CLSTN2: variants seen among roughly 807,000 people sequenced by gnomAD.
The protein encoded by CLSTN2 is calsyntenin 2, also known as calsyntenin-2.
In CLSTN2, 48 loss-of-function variants were observed where a neutral mutation model predicts 101.2. The observed-to-expected ratio is 0.47, with a 90% confidence interval of 0.38 to 0.60. The LOEUF is 0.60. Among genes scored for constraint, CLSTN2 ranks in the 20% least tolerant of loss-of-function variants. The probability of loss-of-function intolerance (pLI) is 0.00; values close to 1 mark genes in which losing one functional copy is unlikely to be tolerated. For synonymous variants in CLSTN2, 481 were observed against 463.6 expected (o/e 1.04, Z -0.48); for missense variants, 1,160 against 1,238.2 (o/e 0.94, Z 0.95).
chr3:140,143,236 T>C (rs998651073), intron 1 of CLSTN2, among the ~76,000 whole-genome samples: 1 of 152,270 alleles, frequency 6.6e-6, no homozygotes, highest in Non-Finnish European at 1.5e-5. Context: ...TTTGTGTGCA[T>C]GTGTGTGTGG....
chr3:140,551,546 A>G (rs1208134441), intron 10 of CLSTN2, among the ~76,000 whole-genome samples: 1 of 152,066 alleles, frequency 6.6e-6, no homozygotes, highest in Non-Finnish European at 1.5e-5. Flanking sequence ...CTTTAGAACT[A>G]GACACTCCTA....
chr3:140,346,369 G>A (rs1428745216), intron 2 of CLSTN2, among the ~76,000 whole-genome samples: 1 of 152,128 alleles, frequency 6.6e-6, no homozygotes, highest in African/African-American at 2.4e-5. Flanking sequence ...TATGGAGTAG[G>A]TACAGCATGT....
At chr3:140,458,862 C>G (rs973815475) in intron 6 of CLSTN2, among the ~76,000 whole-genome samples, 14 of 152,232 alleles carry the variant, frequency 9.2e-5, no homozygotes, top group Admixed American at 3.3e-4. Flanking sequence ...AGTCACAAAG[C>G]TAGCAAATTT....
At chr3:140,368,300 C>G (rs1476162145) in intron 2 of CLSTN2, among the ~76,000 whole-genome samples, 1 of 152,214 alleles carries the variant, frequency 6.6e-6, no homozygotes, top group Non-Finnish European at 1.5e-5. Context: ...GCACCATCAA[C>G]AAGCTCTCTC....
At chr3:140,088,595 C>T (rs1041449691) in intron 1 of CLSTN2, among the ~76,000 whole-genome samples, 1 of 152,228 alleles carries the variant, frequency 6.6e-6, no homozygotes, top group Non-Finnish European at 1.5e-5. Flanking sequence ...GAAGCCATCT[C>T]TCCCTGGAAG....
intron 2 of CLSTN2, among the ~76,000 whole-genome samples, chr3:140,213,928 G>A (rs1402377563): frequency 2.6e-5 from 4 of 152,124 alleles, no homozygotes; most frequent in African/African-American, 4.8e-5. Flanking sequence ...AGAGCAGAGG[G>A]AGCTTACAGG....
chr3:140,023,098 G>A (rs542468956), intron 1 of CLSTN2, among the ~76,000 whole-genome samples: 32 of 152,226 alleles, frequency 2.1e-4, no homozygotes, highest in Middle Eastern at 3.4e-3. Context: ...CCTGGCTCCT[G>A]GACACTGCCA....
chr3:140,100,048 G>A (rs748241473), intron 1 of CLSTN2, among the ~76,000 whole-genome samples: 1 of 151,820 alleles, frequency 6.6e-6, no homozygotes, highest in Non-Finnish European at 1.5e-5. Context: ...GTCACATAGA[G>A]TTTTTTCCCT....
chr3:140,147,465 G>A (rs573475467), intron 1 of CLSTN2, among the ~76,000 whole-genome samples: 35 of 152,150 alleles, frequency 2.3e-4, no homozygotes, highest in Non-Finnish European at 4.1e-4. Context: ...CACTCCTATG[G>A]ACATGACAGG....
rs955610986 is a variant in CLSTN2 at position 140,425,487 on chromosome 3, T to G, written c.787+4213T>G. ...TGCCTTTCAGACCTTGGCCAAAGTA[T>G]TATCTACCAAGGCTATGGTTTTCTT... is the stretch of plus-strand genomic sequence containing the variant. On this transcript the variant is annotated intron_variant, in intron 5 of 16. Coordinates refer to ENST00000458420, the MANE Select transcript of CLSTN2 (RefSeq NM_022131.3). Among the ~76,000 whole-genome samples the G allele has an allele frequency of 3.3e-5, 5 of 152,202 alleles. No individual in the cohort carries two copies. In the South Asian group the frequency reaches 1.0e-3, roughly 32 times the overall value.
At chr3:140,211,561 T>TA (rs2010855811) in intron 2 of CLSTN2, among the ~76,000 whole-genome samples, 3 of 135,624 alleles carry the variant, frequency 2.2e-5, no homozygotes, top group African/African-American at 8.0e-5. Flanking sequence ...GTGTGTAGTG[T>TA]GTGTGTGTAT....
chr3:140,150,103 C>T (rs761047881), intron 1 of CLSTN2, among the ~76,000 whole-genome samples: 1 of 152,140 alleles, frequency 6.6e-6, no homozygotes, highest in Non-Finnish European at 1.5e-5. Context: ...TCTACTCATG[C>T]CCCATATTCA....
intron 8 of CLSTN2, among the ~76,000 whole-genome samples, chr3:140,521,572 T>C (rs1367111967): frequency 6.6e-6 from 1 of 152,322 alleles, no homozygotes; most frequent in East Asian, 1.9e-4. Context: ...AGAACCCTTG[T>C]TGGGAGGCCT....
At chr3:140,272,190 G>GA (rs895398818) in intron 2 of CLSTN2, among the ~76,000 whole-genome samples, 3 of 152,076 alleles carry the variant, frequency 2.0e-5, no homozygotes, top group African/African-American at 7.2e-5. Context: ...GATATTGGGG[G>GA]AAAAAACAGT....
Position 140,135,791 on chromosome 3 carries a change from G to A in CLSTN2, c.110-40160G>A, listed in dbSNP as rs1025238305. Among the ~76,000 whole-genome samples the A allele has an allele frequency of 3.3e-5, 5 of 152,106 alleles. 1 individual carries two copies. Among genetic ancestry groups the A allele is most frequent in the Non-Finnish European group, 2.9e-5 (2 of 68,016 alleles). ...TTTGCAGGGTACCTTTGTTATGAGA[G>A]TCTTTTCCTGTCCAGATCCCCTCCA... On this transcript the variant is annotated intron_variant, in intron 1 of 16. Coordinates refer to ENST00000458420, the MANE Select transcript of CLSTN2 (RefSeq NM_022131.3).
chr3:140,301,894 A>G (rs1281474712), intron 2 of CLSTN2, among the ~76,000 whole-genome samples: 1 of 151,260 alleles, frequency 6.6e-6, no homozygotes, highest in African/African-American at 2.4e-5. Context: ...TCCTCAAACC[A>G]TTATAGTATT....
At chr3:140,083,000 C>T (rs574596718) in intron 1 of CLSTN2, among the ~76,000 whole-genome samples, 18 of 152,244 alleles carry the variant, frequency 1.2e-4, no homozygotes, top group Non-Finnish European at 2.1e-4. Context: ...ATGCTGTTTC[C>T]GCTGCCTGAG....
intron 1 of CLSTN2, among the ~76,000 whole-genome samples, chr3:139,968,426 T>C (rs1217187289): frequency 6.6e-6 from 1 of 152,140 alleles, no homozygotes; most frequent in African/African-American, 2.4e-5. Context: ...CCCTCATGAG[T>C]TGATTAATGC....
chr3:140,204,670 G>T (rs183798894), intron 2 of CLSTN2, among the ~76,000 whole-genome samples: 3 of 152,296 alleles, frequency 2.0e-5, no homozygotes, highest in Non-Finnish European at 4.4e-5. Flanking sequence ...TGATCAGCCT[G>T]TCACTCCAAT....
Sources: allele counts gnomAD v4.1 joint callset (sites outside exome capture counted in the v4.1 genomes callset), GRCh38; gene constraint gnomAD v4.1.1; transcripts MANE v1.5; gene names NCBI Gene and HGNC (gene_info 2026-07-23, HGNC 2026-07-21).